The following DCN variants were observed in gnomAD, a reference collection of about 807,000 sequenced individuals.
The protein encoded by DCN is decorin.
A neutral mutation model predicts 36.5 loss-of-function variants in DCN; 17 were observed. The observed-to-expected ratio is 0.47, with a 90% confidence interval of 0.32 to 0.70. The LOEUF (loss-of-function observed/expected upper bound fraction) is 0.70. DCN is among the 30% of genes least tolerant of loss of function. The pLI, the probability that DCN is intolerant of heterozygous loss-of-function variation, is 0.04. For missense variants in DCN, 389 were observed against 430.1 expected (o/e 0.90, Z 0.84); for synonymous variants, 163 against 161.4 (o/e 1.01, Z -0.07).
chr12:91,159,640 T>G (rs1347576779), intron 3 of DCN, among the ~76,000 whole-genome samples: 1 of 152,016 alleles, frequency 6.6e-6, no homozygotes, highest in Non-Finnish European at 1.5e-5. Flanking sequence ...TACGTTAATA[T>G]TTTGGGTAAT....
intron 7 of DCN, among the ~76,000 whole-genome samples, chr12:91,147,370 C>T (rs1041605491): frequency 2.0e-5 from 3 of 152,186 alleles, no homozygotes; most frequent in Non-Finnish European, 1.5e-5. Flanking sequence ...TTCTGCCATT[C>T]TCTGGGGCAG....
chr12:91,142,523 CAAAT>C lies in DCN; in HGVS notation c.*3531_*3534del, dbSNP rs916769231. ...AAAAAGATAATAGTGATGATTCAGA[CAAAT>C]GAATGAGCAGAAGAAGAGGAGATCC... On this transcript the variant is annotated 3_prime_UTR_variant, in exon 8 of 8. Transcript: ENST00000052754. The C allele has an allele frequency of 2.6e-5, 4 of 152,140 alleles. No individual in the cohort carries two copies. The highest frequency in any genetic ancestry group is 2.1e-4 in the South Asian group (1 of 4,820). 9.4% of individuals were successfully genotyped at this position (152,140 alleles called of 1,614,324 possible). A position where few individuals can be genotyped will look rare whatever the true frequency, so the allele number is the denominator to read the frequency against.
intron 2 of DCN, chr12:91,169,680 A>G (rs1229254696): frequency 1.3e-5 from 2 of 152,142 alleles, no homozygotes; most frequent in Non-Finnish European, 2.9e-5. Context: ...CAGAATTTTC[A>G]TATTTAAACA....
Position 91,146,321 on chromosome 12 carries a change from T to C in DCN, c.886-69A>G, listed in dbSNP as rs1184276530. On this transcript the variant is annotated intron_variant, in intron 7 of 7. Transcript: ENST00000052754. ...TGTTGAGGCCCTTCAGGTAAACATT[T>C]TATTTTTTTTATTATTTTTTAATCC... The C allele has an allele frequency of 5.8e-6, 5 of 861,824 alleles. No individual in the cohort carries two copies. In the African/African-American group the frequency reaches 7.0e-5, roughly 12 times the overall value. The allele number at this position is 861,824 out of a possible 1,614,324, so 53.4% of individuals were successfully genotyped here. A position where few individuals can be genotyped will look rare whatever the true frequency, so the allele number is the denominator to read the frequency against.
chr12:91,162,876 A>C (rs1235279512), intron 3 of DCN, among the ~76,000 whole-genome samples: 1 of 152,130 alleles, frequency 6.6e-6, no homozygotes, highest in African/African-American at 2.4e-5. Context: ...GACCCTCAAC[A>C]CTGAGTTTAG....
Position 91,143,786 on chromosome 12 carries a change from A to T in DCN, c.*2272T>A. ...TTTATCTTTATTTCAAAGGAAATAA[A>T]GATACATATATATGTATATATGCAA... On this transcript the variant is annotated 3_prime_UTR_variant, in exon 8 of 8. Transcript: ENST00000052754. The T allele has an allele frequency of 6.7e-6, 1 of 149,676 alleles. No individual in the cohort carries two copies. Among genetic ancestry groups the T allele is most frequent in the Middle Eastern group, 3.6e-3 (1 of 280 alleles). 9.3% of individuals were successfully genotyped at this position (149,676 alleles called of 1,614,324 possible).
rs1880934599 is a variant in DCN, at chr12:91,145,245, T to C, written c.*813A>G. On this transcript the variant is annotated 3_prime_UTR_variant, in exon 8 of 8. Transcript: ENST00000052754. ...CTAGTAATTGTAGAAATGTTCAGCC[T>C]GATTACATGAAGTCACATGATAGTT... 6.6e-6 allele frequency: 1 copy of C among 152,214 alleles called. No homozygotes were observed. The highest frequency in any genetic ancestry group is 2.4e-5 in the African/African-American group (1 of 41,466). The allele number at this position is 152,214 out of a possible 1,614,324, so 9.4% of individuals were successfully genotyped here. A position where few individuals can be genotyped will look rare whatever the true frequency, so the allele number is the denominator to read the frequency against.
chr12:91,160,010 C>T (rs1362612461), intron 3 of DCN, among the ~76,000 whole-genome samples: 1 of 152,002 alleles, frequency 6.6e-6, no homozygotes. Flanking sequence ...TATGTATATC[C>T]TCATATAGTT....
At chr12:91,151,561 C>G (rs575806695) in intron 7 of DCN, 93 bp downstream of exon 7, 1 of 1,488,170 alleles carries the variant, frequency 6.7e-7, no homozygotes, top group Non-Finnish European at 9.3e-7. Flanking sequence ...AAAAAAACTT[C>G]TAAGAAGAGC....
At chr12:91,155,906 T>G (rs1881739090) in intron 5 of DCN, among the ~76,000 whole-genome samples, 1 of 152,158 alleles carries the variant, frequency 6.6e-6, no homozygotes, top group South Asian at 2.1e-4. Flanking sequence ...ATGGAATATG[T>G]ACTCTCAGGA....
intron 3 of DCN, among the ~76,000 whole-genome samples, chr12:91,161,877 A>T (rs1044666888): frequency 6.6e-6 from 1 of 151,756 alleles, no homozygotes; most frequent in Non-Finnish European, 1.5e-5. Flanking sequence ...CTCACTACTC[A>T]TATCATATTG....
chr12:91,164,861 T>A, intron 2 of DCN, 144 bp from the exon 3 acceptor site: 1 of 644,158 alleles, frequency 1.6e-6, no homozygotes, highest in Non-Finnish European at 2.8e-6. Flanking sequence ...AGAATTACAT[T>A]CATTGTAGGG....
chr12:91,165,974 G>A (rs764606189), intron 2 of DCN, among the ~76,000 whole-genome samples: 3 of 152,036 alleles, frequency 2.0e-5, no homozygotes, highest in African/African-American at 4.8e-5. Flanking sequence ...CCGCTATGTC[G>A]AGAAAATCAC....
intron 7 of DCN, among the ~76,000 whole-genome samples, chr12:91,146,850 CA>C (rs1463719893): frequency 1.3e-5 from 2 of 152,168 alleles, no homozygotes; most frequent in African/African-American, 4.8e-5. Flanking sequence ...TAATCAACAA[CA>C]AATCTTGCTA....
chr12:91,179,847 A>G (rs1444929812), intron 1 of DCN: 1 of 152,208 alleles, frequency 6.6e-6, no homozygotes, highest in Non-Finnish European at 1.5e-5. Context: ...TAATAAACAC[A>G]TATGGAAAAT....
intron 2 of DCN, chr12:91,176,110 C>G (rs942787577): frequency 6.6e-6 from 1 of 151,998 alleles, no homozygotes; most frequent in African/African-American, 2.4e-5. Flanking sequence ...TATTTAAAGT[C>G]AAGTGAATTT....
intron 4 of DCN, among the ~76,000 whole-genome samples, chr12:91,157,450 C>T (rs1282271089): frequency 1.3e-5 from 2 of 152,078 alleles, no homozygotes; most frequent in East Asian, 3.9e-4. Context: ...GAAAGCAATA[C>T]CAATAAAATT....
chr12:91,141,639 G>C lies in DCN; in HGVS notation c.*4419C>G, dbSNP rs1307896048. The stretch of plus-strand genomic sequence containing the variant: ...AATAAATATTGGCTGAAAAAATGAA[G>C]TAATATGTGCTAGTAGATATATCTG... On this transcript the variant is annotated 3_prime_UTR_variant, in exon 8 of 8. Coordinates refer to ENST00000052754, the MANE Select transcript of DCN (RefSeq NM_001920.5). 6.6e-6 allele frequency: 1 copy of C among 152,122 alleles called. No individual in the cohort carries two copies. Among genetic ancestry groups the C allele is most frequent in the African/African-American group, 2.4e-5 (1 of 41,420 alleles). 9.4% of individuals were successfully genotyped at this position (152,122 alleles called of 1,614,324 possible).
chr12:91,142,787 C>T lies in DCN; in HGVS notation c.*3271G>A, dbSNP rs1565766983. 1 of 152,060 alleles carries T rather than the reference C, an allele frequency of 6.6e-6. No homozygotes were observed. Among genetic ancestry groups the T allele is most frequent in the South Asian group, 2.1e-4 (1 of 4,830 alleles). 9.4% of individuals were successfully genotyped at this position (152,060 alleles called of 1,614,324 possible). The stretch of plus-strand genomic sequence containing the variant: ...GGGTCAGAGACAAATTTTTAAGTTT[C>T]CAACCTTTTATGTGAAGCACCCATA... On this transcript the variant is annotated 3_prime_UTR_variant, in exon 8 of 8. Transcript: ENST00000052754.
Sources: gnomAD v4.1 joint callset for allele counts (sites outside exome capture counted in the v4.1 genomes callset) on GRCh38, gnomAD v4.1.1 for gene constraint, MANE v1.5 for transcripts, NCBI Gene and HGNC (gene_info 2026-07-23, HGNC 2026-07-21) for gene names.